The following NDUFA13 variants were observed in gnomAD, a reference collection of about 807,000 sequenced individuals.
NDUFA13 encodes the protein NADH:ubiquinone oxidoreductase subunit A13.
Under a neutral mutation model 17.0 loss-of-function variants are expected in NDUFA13, and 16 were observed. The ratio of observed to expected loss-of-function variants is 0.94; its 90% CI spans 0.64 to 1.43. The LOEUF is 1.43. Among genes scored for constraint, NDUFA13 ranks in the 40% most tolerant of loss-of-function variants. The pLI is 0.00. For synonymous variants in NDUFA13, 87 were observed against 78.4 expected, an observed-to-expected ratio of 1.11 and a Z score of -0.58; for missense variants, 228 against 206.7, an observed-to-expected ratio of 1.10 and a Z score of -0.63.
chr19:19,528,029 C>G lies in NDUFA13; in HGVS notation c.338C>G (p.Thr113Arg). The G allele has an allele frequency of 5.0e-6, 8 of 1,612,696 alleles. No individual in the cohort carries two copies. The highest frequency in any genetic ancestry group is 6.8e-6 in the Non-Finnish European group (8 of 1,179,956). ...CAGGTGGGGGAGTCTGTGTTCCACA[C>G]AACCCGCTGGGTGCCCCCCTTGATC... is the stretch of plus-strand genomic sequence containing the variant. ...DWKVGESVFH[T>R]TRWVPPLIGE... The change falls in exon 5 of 5, where the codon ACA becomes AGA. Residue 113 changes from threonine to arginine, a missense_variant. By Grantham distance (71) the Thr-to-Arg change is moderately conservative (BLOSUM62 -1). Transcript: ENST00000507754.
intron 1 of NDUFA13, 145 bp from the exon 2 acceptor site, chr19:19,526,037 A>C: frequency 6.6e-7 from 1 of 1,518,152 alleles, no homozygotes; most frequent in Non-Finnish European, 8.8e-7. Context: ...AACCCCTGGC[A>C]TGGGGGCAGA....
chr19:19,518,799 A>G (rs2061062835), intron 1 of NDUFA13, among the ~76,000 whole-genome samples: 1 of 130,428 alleles, frequency 7.7e-6, no homozygotes, highest in South Asian at 2.6e-4. Context: ...CTAGAGTGCA[A>G]TGGTGCAATC....
At position 19,527,270 on chromosome 19, in the gene NDUFA13, G is replaced by A; in HGVS notation, c.174-11G>A. ...TGGTCTGACCTGAGTGTGGGTTTCG[G>A]GCTTTCACAGGCGCCTACAAATCGA... is the stretch of plus-strand genomic sequence containing the variant. On this transcript the variant is annotated splice_polypyrimidine_tract_variant and intron_variant, in intron 2 of 4. Transcript: ENST00000507754. The A allele has an allele frequency of 8.7e-6, 14 of 1,613,958 alleles. No homozygotes were observed. Among genetic ancestry groups the A allele is most frequent in the Non-Finnish European group, 1.2e-5 (14 of 1,180,002 alleles).
intron 1 of NDUFA13, among the ~76,000 whole-genome samples, chr19:19,518,310 C>T (rs1020887572): frequency 6.6e-6 from 1 of 152,008 alleles, no homozygotes; most frequent in Non-Finnish European, 1.5e-5. Flanking sequence ...TCTTGGCTCA[C>T]TGCAACCTCC....
chr19:19,525,280 C>T (rs2061095000), intron 1 of NDUFA13, among the ~76,000 whole-genome samples: 1 of 152,242 alleles, frequency 6.6e-6, no homozygotes, highest in South Asian at 2.1e-4. Flanking sequence ...TCTCATTTAT[C>T]TCCGGGTCTA....
rs529514497 is a variant in NDUFA13, at chr19:19,527,866, C to T, written c.315+96C>T. 16 of 1,480,462 alleles carry T rather than the reference C, an allele frequency of 1.1e-5. No homozygotes were observed. The South Asian group carries it at 1.6e-4, about 14-fold the overall frequency. The allele number at this position is 1,480,462 out of a possible 1,614,324, so 91.7% of individuals were successfully genotyped here. ...CAGCTTTCTATAGAAACCCCAGGAC[C>T]AAGGGGGTGGTGGGTGCCAGGTCCC... On this transcript the variant is annotated intron_variant, in intron 4 of 4. Coordinates refer to ENST00000507754, the MANE Select transcript of NDUFA13 (RefSeq NM_015965.7).
chr19:19,522,337 G>A (rs2039009496), intron 1 of NDUFA13, among the ~76,000 whole-genome samples: 1 of 151,994 alleles, frequency 6.6e-6, no homozygotes. Context: ...TTTCAATGAA[G>A]TCCAATTTCT....
intron 2 of NDUFA13, among the ~76,000 whole-genome samples, chr19:19,526,929 G>A (rs1486552500): frequency 6.6e-6 from 1 of 152,232 alleles, no homozygotes; most frequent in East Asian, 1.9e-4. Context: ...TGAAGGGGAC[G>A]TGGTTTTGTG....
In NDUFA13 at chr19:19,526,213, C is replaced by G. The variant is rs1302432451; in HGVS notation, c.126C>G (p.Thr42=). 1 of 1,614,166 alleles carries G rather than the reference C, an allele frequency of 6.2e-7. No individual in the cohort carries two copies. Among genetic ancestry groups the G allele is most frequent in the Non-Finnish European group, 8.5e-7 (1 of 1,180,022 alleles). Residue 42 remains threonine (T), a synonymous_variant, in exon 2 of 5, where the codon ACC becomes ACG. Coordinates refer to ENST00000507754, the MANE Select transcript of NDUFA13 (RefSeq NM_015965.7). Reference sequence around the variant, plus strand: ...GCATGCTGGCCATAGGGATTGGAACCCTGATCTACGGGCACTGGAGCATAA... The same window carrying G: ...GCATGCTGGCCATAGGGATTGGAACGCTGATCTACGGGCACTGGAGCATAA... ...GYSMLAIGIG[T]LIYGHWSIMK... is the part of the protein sequence containing the mutation.
At chr19:19,526,630 C>G in intron 2 of NDUFA13, 1 of 352,396 alleles carries the variant, frequency 2.8e-6, no homozygotes, top group Non-Finnish European at 5.6e-6. Flanking sequence ...AGTGGGGGGC[C>G]TGCCTCGGGC....
Position 19,528,167 on chromosome 19 carries a change from A to C in NDUFA13, c.*41A>C. On this transcript the variant is annotated 3_prime_UTR_variant, in exon 5 of 5. Transcript: ENST00000507754. ...GCCACCTGGATCCCTGCCCCTCCCC[A>C]CTGGGACGGAATAAATGCTCTGCAG... The C allele has an allele frequency of 6.2e-7, 1 of 1,608,652 alleles. No homozygotes were observed. The highest frequency in any genetic ancestry group is 1.1e-5 in the South Asian group (1 of 90,804).
chr19:19,526,401 G>A lies in NDUFA13; in HGVS notation c.173+141G>A, dbSNP rs557475150. 7.0e-5 allele frequency: 61 copies of A among 868,736 alleles called. No individual in the cohort carries two copies. The African/African-American group carries it at 9.8e-4, about 14-fold the overall frequency. 53.8% of individuals were successfully genotyped at this position (868,736 alleles called of 1,614,324 possible). ...TGTGCAATCCCAGGCCCCAGAAAGT[G>A]CAGATCCAGACCCAGCACTTCCACT... On this transcript the variant is annotated intron_variant, in intron 2 of 4. Transcript: ENST00000507754.
rs117921690 is a variant in NDUFA13 at position 19,526,636 on chromosome 19, C to T, written c.173+376C>T. ...CAGGATATGAGTGGGGGGCCTGCCT[C>T]GGGCCCTCTAAGCAGGATTTTGTCA... On this transcript the variant is annotated intron_variant, in intron 2 of 4. Transcript: ENST00000507754. 1.4e-3 allele frequency: 492 copies of T among 349,340 alleles called. 8 individuals are homozygous for T. The East Asian group carries it at 0.031, about 22-fold the overall frequency. The allele number at this position is 349,340 out of a possible 1,614,324, so 21.6% of individuals were successfully genotyped here.
intron 2 of NDUFA13, 122 bp from the exon 3 acceptor site, chr19:19,527,159 C>G: frequency 5.9e-6 from 5 of 842,614 alleles, no homozygotes; most frequent in Admixed American, 2.2e-5. Context: ...CTGCCCCCTG[C>G]CTGCCTCCCC....
At chr19:19,527,910 G>A (rs769287384) in intron 4 of NDUFA13, 97 bp from the exon 5 acceptor site, 541 of 1,516,024 alleles carry the variant, frequency 3.6e-4, no homozygotes, top group Non-Finnish European at 4.1e-4. Context: ...AGGCTGTAGC[G>A]CCTGCCACGC....
intron 1 of NDUFA13, among the ~76,000 whole-genome samples, chr19:19,520,783 T>C (rs2061073492): frequency 6.6e-6 from 1 of 152,194 alleles, no homozygotes; most frequent in African/African-American, 2.4e-5. Context: ...ATCCCACCCC[T>C]GGCAAACACT....
At chr19:19,527,476 G>T in intron 3 of NDUFA13, 124 bp downstream of exon 3, 1 of 1,237,616 alleles carries the variant, frequency 8.1e-7, no homozygotes. Flanking sequence ...GCCGTCAGCT[G>T]CATCCTCAGG....
In NDUFA13 at chr19:19,527,638, C is replaced by T. The variant is rs1013620115; in HGVS notation, c.246-63C>T. On this transcript the variant is annotated intron_variant, in intron 3 of 4. Transcript: ENST00000507754. ...AGGCTTGAAGGGGTGCTACTAGGGGCCCTAGGCAGGGGCCCCTCAGGGCAC... is the reference window on the plus strand; with the variant it reads ...AGGCTTGAAGGGGTGCTACTAGGGGTCCTAGGCAGGGGCCCCTCAGGGCAC... 8.2e-6 allele frequency: 11 copies of T among 1,335,188 alleles called. No homozygotes were observed. In the African/African-American group the frequency reaches 1.2e-4, roughly 14 times the overall value. The allele number at this position is 1,335,188 out of a possible 1,614,324, so 82.7% of individuals were successfully genotyped here.
intron 3 of NDUFA13, 164 bp downstream of exon 3, chr19:19,527,516 C>A: frequency 2.0e-6 from 2 of 1,013,566 alleles, no homozygotes; most frequent in Non-Finnish European, 3.0e-6. Context: ...CCCAAGGGGG[C>A]GAACCGGAAG....
Sources: gnomAD v4.1 joint callset for allele counts (sites outside exome capture counted in the v4.1 genomes callset) on GRCh38, gnomAD v4.1.1 for gene constraint, MANE v1.5 for transcripts, NCBI Gene and HGNC (gene_info 2026-07-23, HGNC 2026-07-21) for gene names.